STK3: variants seen among roughly 807,000 people sequenced by gnomAD.
STK3 encodes the protein serine/threonine-protein kinase 3.
A neutral mutation model predicts 58.0 loss-of-function variants in STK3; 41 were observed. That is an observed-to-expected ratio of 0.71 (90% confidence interval 0.55 to 0.92). The LOEUF (loss-of-function observed/expected upper bound fraction) is 0.92, where lower values mean the gene tolerates loss of function less well. Among genes scored for constraint, STK3 ranks in the 40% least tolerant of loss-of-function variants. The pLI is 0.00. For synonymous variants in STK3, 170 were observed against 191.0 expected (o/e 0.89, Z 0.91); for missense variants, 479 against 602.7 (o/e 0.79, Z 2.15).
chr8:98,732,537 T>C (rs767312798), intron 4 of STK3, among the ~76,000 whole-genome samples: 11 of 152,156 alleles, frequency 7.2e-5, no homozygotes, highest in Non-Finnish European at 1.5e-4. Flanking sequence ...ATAAAGACAT[T>C]TTCAGATATG....
chr8:98,795,017 G>A (rs1013994630), intron 1 of STK3, among the ~76,000 whole-genome samples: 1 of 133,608 alleles, frequency 7.5e-6, no homozygotes, highest in Non-Finnish European at 1.5e-5. Flanking sequence ...GCTGTGAGAC[G>A]AGATCGCGCC....
At chr8:98,479,982 C>A (rs1821715021) in intron 10 of STK3, among the ~76,000 whole-genome samples, 1 of 151,896 alleles carries the variant, frequency 6.6e-6, no homozygotes. Flanking sequence ...GGCTTAATAG[C>A]AGAATGAAGA....
chr8:98,701,285 T>C (rs1283242815), intron 6 of STK3, among the ~76,000 whole-genome samples: 1 of 152,080 alleles, frequency 6.6e-6, no homozygotes, highest in Non-Finnish European at 1.5e-5. Flanking sequence ...AATGATACTA[T>C]TTATTCATCT....
intron 4 of STK3, among the ~76,000 whole-genome samples, chr8:98,712,926 CA>C (rs1342649284): frequency 6.6e-6 from 1 of 152,182 alleles, no homozygotes; most frequent in African/African-American, 2.4e-5. Flanking sequence ...GAAATTATAA[CA>C]AACTGTCTCT....
intron 3 of STK3, among the ~76,000 whole-genome samples, chr8:98,871,901 G>T (rs1029890049): frequency 6.6e-6 from 1 of 152,150 alleles, no homozygotes; most frequent in African/African-American, 2.4e-5. Context: ...TGGTGAGAGA[G>T]GGCATCCCTG....
chr8:98,348,479 A>G, the STK3 span, among the ~76,000 whole-genome samples: 1 of 152,242 alleles, frequency 6.6e-6, no homozygotes, highest in African/African-American at 2.4e-5. Context: ...GAATGAGAAG[A>G]CAAACCACAG....
At chr8:98,442,027 C>G (rs1818715416) in intron 1 of STK3, among the ~76,000 whole-genome samples, 1 of 152,186 alleles carries the variant, frequency 6.6e-6, no homozygotes, top group Admixed American at 6.5e-5. Flanking sequence ...CTAAAACCCA[C>G]TCCTATTCCA....
chr8:98,399,309 C>T (rs1817922623), downstream of STK3, among the ~76,000 whole-genome samples: 1 of 152,200 alleles, frequency 6.6e-6, no homozygotes, highest in Admixed American at 6.5e-5. Flanking sequence ...TATTGCTCAC[C>T]ACATATGTTT....
intron 10 of STK3, among the ~76,000 whole-genome samples, chr8:98,494,371 C>T (rs1822956005): frequency 6.6e-6 from 1 of 152,136 alleles, no homozygotes; most frequent in South Asian, 2.1e-4. Context: ...CTCAGGTGAA[C>T]TTTGGTGTTC....
At chr8:98,498,788 A>T (rs1823353390) in intron 10 of STK3, among the ~76,000 whole-genome samples, 1 of 152,090 alleles carries the variant, frequency 6.6e-6, no homozygotes, top group African/African-American at 2.4e-5. Flanking sequence ...TTTGTTCCTT[A>T]TCTGTCCCCT....
At chr8:98,512,738 T>C (rs1824614689) in intron 10 of STK3, among the ~76,000 whole-genome samples, 1 of 152,204 alleles carries the variant, frequency 6.6e-6, no homozygotes, top group Non-Finnish European at 1.5e-5. Flanking sequence ...TTCTGAATGT[T>C]AGACATTGCT....
At chr8:98,400,916 A>G (rs955852524), downstream of STK3, among the ~76,000 whole-genome samples, 4 of 152,126 alleles carry the variant, frequency 2.6e-5, 1 homozygote, top group South Asian at 8.3e-4. Flanking sequence ...TTTCAATCCC[A>G]TATGTTCATT....
intron 10 of STK3, among the ~76,000 whole-genome samples, chr8:98,459,409 T>C (rs778514937): frequency 2.0e-5 from 3 of 152,220 alleles, no homozygotes; most frequent in Non-Finnish European, 4.4e-5. Context: ...TTGGAACTTA[T>C]GTTTAAAAGG....
intron 1 of STK3, among the ~76,000 whole-genome samples, chr8:98,784,568 C>A (rs554937276): frequency 6.6e-6 from 1 of 152,036 alleles, no homozygotes; most frequent in South Asian, 2.1e-4. Context: ...CAGGCTGAAC[C>A]ACCTCACCCT....
At chr8:98,848,311 C>T (rs1168700298) in intron 3 of STK3, among the ~76,000 whole-genome samples, 1 of 151,172 alleles carries the variant, frequency 6.6e-6, no homozygotes, top group Non-Finnish European at 1.5e-5. Context: ...ACAATGGTGA[C>T]TTCTCAGTGC....
At chr8:98,635,218 G>A (rs991985055) in intron 6 of STK3, among the ~76,000 whole-genome samples, 9 of 152,172 alleles carry the variant, frequency 5.9e-5, no homozygotes, top group African/African-American at 2.2e-4. Flanking sequence ...CAGCACTATT[G>A]TTAAATGCTT....
At chr8:98,660,339 C>G (rs1821870106) in intron 6 of STK3, among the ~76,000 whole-genome samples, 1 of 151,970 alleles carries the variant, frequency 6.6e-6, no homozygotes, top group Non-Finnish European at 1.5e-5. Context: ...TCCTGCAGAT[C>G]TGCTGTACAA....
chr8:98,357,797 G>T, the STK3 span, among the ~76,000 whole-genome samples: 2 of 152,134 alleles, frequency 1.3e-5, no homozygotes, highest in Non-Finnish European at 2.9e-5. Context: ...GCCAGTGGGG[G>T]GCCTTTGAAG....
intron 6 of STK3, among the ~76,000 whole-genome samples, chr8:98,669,220 C>A (rs1744225820): frequency 6.6e-6 from 1 of 152,092 alleles, no homozygotes; most frequent in Admixed American, 6.5e-5. Flanking sequence ...TGGTCTCGAA[C>A]TCCTGACATC....
Sources: gnomAD v4.1 joint callset for allele counts (sites outside exome capture counted in the v4.1 genomes callset) on GRCh38, gnomAD v4.1.1 for gene constraint, MANE v1.5 for transcripts, NCBI Gene and HGNC (gene_info 2026-07-23, HGNC 2026-07-21) for gene names.